ITPR2: variants seen among roughly 807,000 people sequenced by gnomAD.
The protein encoded by ITPR2 is inositol 1,4,5-trisphosphate receptor type 2, also known as inositol 1,4,5-trisphosphate-gated calcium channel ITPR2.
ITPR2 carries 207 observed loss-of-function variants against 317.1 expected under a neutral mutation model. The ratio of observed to expected loss-of-function variants is 0.65; its 90% CI spans 0.58 to 0.73. ITPR2 has a LOEUF of 0.73. Ranked by LOEUF, ITPR2 falls within the 30% of genes least tolerant of loss-of-function variation. The probability of loss-of-function intolerance (pLI) is 0.00; values close to 1 mark genes in which losing one functional copy is unlikely to be tolerated. For synonymous variants in ITPR2, 1,156 were observed against 1,149.1 expected (o/e 1.01, Z -0.12); for missense variants, 2,613 against 3,284.0 (o/e 0.80, Z 4.99).
chr12:26,455,146 A>T (rs1941849453), intron 45 of ITPR2, among the ~76,000 whole-genome samples: 1 of 151,950 alleles, frequency 6.6e-6, no homozygotes, highest in Non-Finnish European at 1.5e-5. Context: ...GAAGTGCGCA[A>T]ATTAGCCAGA....
At chr12:26,773,456 TA>T (rs1949906271) in intron 2 of ITPR2, among the ~76,000 whole-genome samples, 1 of 152,122 alleles carries the variant, frequency 6.6e-6, no homozygotes, top group South Asian at 2.1e-4. Context: ...ACAGGATGGG[TA>T]AGTGAGGGAG....
At chr12:26,452,654 C>T (rs929784718) in intron 45 of ITPR2, among the ~76,000 whole-genome samples, 2 of 152,144 alleles carry the variant, frequency 1.3e-5, no homozygotes, top group African/African-American at 4.8e-5. Context: ...TGAGTGCATT[C>T]TCACTCTCAA....
intron 13 of ITPR2, among the ~76,000 whole-genome samples, chr12:26,678,219 A>C (rs960638422): frequency 1.3e-5 from 2 of 152,156 alleles, no homozygotes; most frequent in Admixed American, 6.5e-5. Flanking sequence ...GATGGCAGTT[A>C]ACACCCCTCC....
At chr12:26,828,718 CAT>C (rs1164942159) in intron 1 of ITPR2, among the ~76,000 whole-genome samples, 4 of 152,192 alleles carry the variant, frequency 2.6e-5, no homozygotes, top group African/African-American at 7.2e-5. Flanking sequence ...AAACCACCCA[CAT>C]GTTAATAAAA....
chr12:26,533,080 G>T (rs1046639576), intron 37 of ITPR2, among the ~76,000 whole-genome samples: 2 of 152,154 alleles, frequency 1.3e-5, no homozygotes. Context: ...AAACACAGTC[G>T]AAAAGTGCTT....
At chr12:26,450,558 C>A (rs915492414) in intron 45 of ITPR2, among the ~76,000 whole-genome samples, 2 of 152,158 alleles carry the variant, frequency 1.3e-5, no homozygotes, top group African/African-American at 4.8e-5. Flanking sequence ...AAGGCTTTCC[C>A]ACATGAGACT....
intron 21 of ITPR2, among the ~76,000 whole-genome samples, chr12:26,641,056 C>G (rs546673466): frequency 6.6e-6 from 1 of 152,042 alleles, no homozygotes; most frequent in Non-Finnish European, 1.5e-5. Flanking sequence ...AAGATCCTTA[C>G]GTTGGAATGT....
intron 1 of ITPR2, among the ~76,000 whole-genome samples, chr12:26,821,769 T>C (rs1247952861): frequency 1.3e-5 from 2 of 152,236 alleles, no homozygotes; most frequent in African/African-American, 4.8e-5. Context: ...TAGCAAGGGA[T>C]GCCTATAAAT....
intron 21 of ITPR2, among the ~76,000 whole-genome samples, chr12:26,646,846 A>C (rs1181716214): frequency 6.6e-6 from 1 of 152,128 alleles, no homozygotes; most frequent in Non-Finnish European, 1.5e-5. Flanking sequence ...TATACCAACA[A>C]AAAGGATTAT....
chr12:26,704,296 G>A (rs1948510108), intron 9 of ITPR2, among the ~76,000 whole-genome samples: 1 of 152,208 alleles, frequency 6.6e-6, no homozygotes, highest in South Asian at 2.1e-4. Context: ...GTCATGGATA[G>A]TCTTTTCAGC....
intron 34 of ITPR2, among the ~76,000 whole-genome samples, chr12:26,565,858 AGAGGGGAGGG>A (rs1565607457): frequency 2.2e-4 from 18 of 80,522 alleles, no homozygotes; most frequent in Non-Finnish European, 3.8e-4. Context: ...AGAGGAGAGG[AGAGGGGAGGG>A]GAGGAGAGGA....
At chr12:26,731,944 T>G (rs1949035096) in intron 2 of ITPR2, among the ~76,000 whole-genome samples, 2 of 151,362 alleles carry the variant, frequency 1.3e-5, no homozygotes, top group African/African-American at 4.8e-5. Flanking sequence ...ATACAGTGTT[T>G]GTATAAAACT....
chr12:26,711,355 G>A lies in ITPR2; in HGVS notation c.856-87C>T, dbSNP rs907688261. 3 of 870,788 alleles carry A rather than the reference G, an allele frequency of 3.4e-6. No homozygotes were observed. In the African/African-American group the frequency reaches 5.0e-5, roughly 14 times the overall value. 53.9% of individuals were successfully genotyped at this position (870,788 alleles called of 1,614,324 possible). ...CAACAGTTTACATGCCTGCCCTCCTGTTAATACTGATCTGTCAAACCTAAT... is the reference window on the plus strand; with the variant it reads ...CAACAGTTTACATGCCTGCCCTCCTATTAATACTGATCTGTCAAACCTAAT... On this transcript the variant is annotated intron_variant, in intron 8 of 56. Transcript: ENST00000381340.
At chr12:26,503,044 C>A (rs183724911) in intron 37 of ITPR2, among the ~76,000 whole-genome samples, 104 of 152,216 alleles carry the variant, frequency 6.8e-4, no homozygotes, top group African/African-American at 2.2e-3. Context: ...GCATTCTCAA[C>A]AGTAGTGCAG....
At chr12:26,443,466 A>C in intron 46 of ITPR2, 77 bp downstream of exon 46, 1 of 1,166,352 alleles carries the variant, frequency 8.6e-7, no homozygotes, top group Non-Finnish European at 1.3e-6. Context: ...CTAGAAAAAA[A>C]TATGAAAATG....
At chr12:26,799,099 T>C in intron 1 of ITPR2, among the ~76,000 whole-genome samples, 1 of 152,248 alleles carries the variant, frequency 6.6e-6, no homozygotes, top group Admixed American at 6.5e-5. Flanking sequence ...TAATTCCATA[T>C]ATAAGTTTTC....
intron 55 of ITPR2, among the ~76,000 whole-genome samples, chr12:26,382,412 C>A (rs1424780822): frequency 1.3e-5 from 2 of 152,128 alleles, no homozygotes; most frequent in Non-Finnish European, 2.9e-5. Flanking sequence ...CACCTGTAAT[C>A]CTAGCACTTT....
intron 55 of ITPR2, among the ~76,000 whole-genome samples, chr12:26,377,858 A>C (rs1385283285): frequency 6.6e-6 from 1 of 152,022 alleles, no homozygotes; most frequent in Non-Finnish European, 1.5e-5. Flanking sequence ...TTGTTCTCAC[A>C]CTTTTCTTTT....
chr12:26,450,521 G>A (rs1241237149), intron 45 of ITPR2, among the ~76,000 whole-genome samples: 1 of 152,146 alleles, frequency 6.6e-6, no homozygotes, highest in African/African-American at 2.4e-5. Context: ...CCTGTTAGTA[G>A]GGTCAGAGTC....
Sources: allele counts gnomAD v4.1 joint callset (sites outside exome capture counted in the v4.1 genomes callset), GRCh38; gene constraint gnomAD v4.1.1; transcripts MANE v1.5; gene names NCBI Gene and HGNC (gene_info 2026-07-23, HGNC 2026-07-21).